The following NFIA variants were observed in gnomAD, a reference collection of about 807,000 sequenced individuals.
The protein encoded by NFIA is nuclear factor 1 A-type.
Under a neutral mutation model 62.8 loss-of-function variants are expected in NFIA, and 8 were observed. The ratio of observed to expected loss-of-function variants is 0.13; its 90% CI spans 0.07 to 0.23. NFIA has a LOEUF of 0.23. Ranked by LOEUF, NFIA falls within the 10% of genes least tolerant of loss-of-function variation. NFIA has a pLI of 1.00. For synonymous variants in NFIA, 235 were observed against 238.1 expected (o/e 0.99, Z 0.12); for missense variants, 410 against 642.1 (o/e 0.64, Z 3.91).
chr1:61,282,958 A>AG (rs753610714), intron 3 of NFIA, among the ~76,000 whole-genome samples: 10 of 152,218 alleles, frequency 6.6e-5, no homozygotes, highest in Admixed American at 2.0e-4. Context: ...ATCAACCCTC[A>AG]GATGGGTCTT....
chr1:61,234,123 T>C (rs894237559), intron 2 of NFIA, among the ~76,000 whole-genome samples: 1 of 151,758 alleles, frequency 6.6e-6, no homozygotes, highest in African/African-American at 2.4e-5. Flanking sequence ...ATCCCAGCAC[T>C]TTGGGAGGCC....
chr1:61,307,881 G>A (rs1659885413), intron 3 of NFIA, among the ~76,000 whole-genome samples: 1 of 152,172 alleles, frequency 6.6e-6, no homozygotes. Flanking sequence ...AATACAGGCT[G>A]TCTTGTCTTC....
intron 10 of NFIA, among the ~76,000 whole-genome samples, chr1:61,444,978 C>T (rs538422103): frequency 3.7e-4 from 56 of 152,292 alleles, no homozygotes; most frequent in African/African-American, 1.3e-3. Flanking sequence ...TCCCAAATCT[C>T]AGTTGCTGGT....
intron 4 of NFIA, among the ~76,000 whole-genome samples, chr1:61,347,644 A>G (rs552380575): frequency 1.3e-5 from 2 of 151,930 alleles, no homozygotes; most frequent in East Asian, 3.9e-4. Context: ...GGGATCCATG[A>G]CTCCTTTGAA....
chr1:61,350,356 C>T (rs2100426493), intron 4 of NFIA, among the ~76,000 whole-genome samples: 1 of 151,608 alleles, frequency 6.6e-6, no homozygotes, highest in Middle Eastern at 3.6e-3. Context: ...CCACCGGGCA[C>T]ATGTTGGCTC....
intron 4 of NFIA, among the ~76,000 whole-genome samples, chr1:61,337,791 T>C (rs867981721): frequency 2.0e-5 from 3 of 152,332 alleles, no homozygotes; most frequent in Admixed American, 6.5e-5. Context: ...TAGATAGCTC[T>C]CTCTGTCAGC....
At chr1:61,295,882 C>T (rs1438525690) in intron 3 of NFIA, among the ~76,000 whole-genome samples, 1 of 152,196 alleles carries the variant, frequency 6.6e-6, no homozygotes, top group East Asian at 1.9e-4. Context: ...GCTGAGAAAC[C>T]AGTGGCTATA....
Position 61,198,656 on chromosome 1 carries a change from G to A in NFIA, c.560-78864G>A, listed in dbSNP as rs367676663. Among the ~76,000 whole-genome samples the A allele has an allele frequency of 2.6e-3, 401 of 152,240 alleles. 1 individual carries two copies. The highest frequency in any genetic ancestry group is 5.0e-3 in the Non-Finnish European group (338 of 68,040). ...CCTCTGGCAGGCAGCGTCTGTATGC[G>A]ACCGGAAGGCAGTGCTGAATAGTGG... On this transcript the variant is annotated intron_variant, in intron 2 of 10. Coordinates refer to ENST00000403491, the MANE Select transcript of NFIA (RefSeq NM_001134673.4).
Position 61,359,248 on chromosome 1 carries a change from C to T in NFIA, c.920C>T (p.Ser307Leu). 1.2e-6 allele frequency: 2 copies of T among 1,612,528 alleles called. No individual in the cohort carries two copies. Among genetic ancestry groups the T allele is most frequent in the Non-Finnish European group, 1.7e-6 (2 of 1,179,974 alleles). The change falls in exon 6 of 11, where the codon TCA (serine) becomes TTA (leucine). Residue 307 changes from serine (S) to leucine (L), a missense_variant. By Grantham distance (145) the Ser-to-Leu change is moderately radical. Around this residue, in one of 3 missense-constraint regions of NFIA, gnomAD observed 298 missense variants for 438.1 expected, o/e 0.68. Transcript: ENST00000403491. Reference protein sequence around the residue: ...QGRSPGSGSQSSGWHEVEPGM... With the variant: ...QGRSPGSGSQLSGWHEVEPGM... The stretch of plus-strand genomic sequence containing the variant: ...CGCTCCCCAGGAAGTGGCAGTCAGT[C>T]AAGTGGATGGCATGAAGTGGAGCCA...
chr1:61,080,141 T>A (rs936529730), upstream of NFIA, among the ~76,000 whole-genome samples: 4 of 152,194 alleles, frequency 2.6e-5, no homozygotes, highest in African/African-American at 9.6e-5. Context: ...AATCGTCCCA[T>A]ATCCAAAAGT....
intron 4 of NFIA, among the ~76,000 whole-genome samples, chr1:61,335,052 T>C (rs79860504): frequency 0.02 from 3,059 of 152,274 alleles, 48 homozygotes; most frequent in Middle Eastern, 0.048. Flanking sequence ...TTGTTTCCTG[T>C]CCCTGCTTAG....
chr1:61,327,136 T>TC (rs1339579702), intron 3 of NFIA, among the ~76,000 whole-genome samples: 4 of 149,566 alleles, frequency 2.7e-5, no homozygotes, highest in African/African-American at 9.8e-5. Flanking sequence ...TTTAATAGTT[T>TC]CCCAGTGCAG....
chr1:61,159,312 A>G (rs1327985742), intron 2 of NFIA, among the ~76,000 whole-genome samples: 4 of 152,220 alleles, frequency 2.6e-5, no homozygotes, highest in Non-Finnish European at 5.9e-5. Context: ...AAGAGGCAAG[A>G]GAAAGCATTG....
At chr1:61,282,538 G>C (rs1658200152) in intron 3 of NFIA, among the ~76,000 whole-genome samples, 1 of 152,166 alleles carries the variant, frequency 6.6e-6, no homozygotes, top group South Asian at 2.1e-4. Context: ...TATCAGGTCA[G>C]TCATTAATGA....
intron 2 of NFIA, among the ~76,000 whole-genome samples, chr1:61,189,492 C>T (rs946744637): frequency 1.3e-5 from 2 of 152,028 alleles, no homozygotes; most frequent in African/African-American, 2.4e-5. Flanking sequence ...TGGTGAAACC[C>T]CCTCTCTACT....
intron 2 of NFIA, among the ~76,000 whole-genome samples, chr1:61,149,956 G>A (rs937463337): frequency 2.6e-5 from 4 of 152,018 alleles, no homozygotes; most frequent in Non-Finnish European, 5.9e-5. Flanking sequence ...GCTGATTTAG[G>A]TCTAAACAGG....
At chr1:61,403,632 T>C (rs1665675717) in intron 7 of NFIA, among the ~76,000 whole-genome samples, 1 of 152,214 alleles carries the variant, frequency 6.6e-6, no homozygotes, top group Non-Finnish European at 1.5e-5. Flanking sequence ...TCATCCTGAA[T>C]TAGTCCCTAG....
intron 6 of NFIA, among the ~76,000 whole-genome samples, chr1:61,373,184 T>G (rs1227556748): frequency 6.6e-6 from 1 of 152,080 alleles, no homozygotes; most frequent in Non-Finnish European, 1.5e-5. Flanking sequence ...GGCAGGCAGA[T>G]TTCACTAAGT....
chr1:61,383,474 A>G, intron 7 of NFIA, 109 bp downstream of exon 7: 1 of 1,355,306 alleles, frequency 7.4e-7, no homozygotes, highest in Non-Finnish European at 9.9e-7. Context: ...TGAGGCAGTG[A>G]GTGTTCCAAT....
Sources: gnomAD v4.1 joint callset for allele counts (sites outside exome capture counted in the v4.1 genomes callset) on GRCh38, gnomAD v4.1.1 for gene constraint, gnomAD v4.1.1 regional missense constraint, MANE v1.5 for transcripts, NCBI Gene and HGNC (gene_info 2026-07-23, HGNC 2026-07-21) for gene names.